FAM222A: variants seen among roughly 807,000 people sequenced by gnomAD.
The protein encoded by FAM222A is protein FAM222A.
In FAM222A, 7 loss-of-function variants were observed where a neutral mutation model predicts 25.8. The ratio of observed to expected loss-of-function variants is 0.27; its 90% CI spans 0.15 to 0.51. The LOEUF is 0.51. FAM222A is among the 20% of genes least tolerant of loss of function. The pLI is 0.97. For missense variants in FAM222A, 573 were observed against 640.5 expected, an observed-to-expected ratio of 0.89 and a Z score of 1.14; for synonymous variants, 294 against 298.8, an observed-to-expected ratio of 0.98 and a Z score of 0.17.
In FAM222A at chr12:109,761,741, C is replaced by G. The variant is rs1331383253; in HGVS notation, c.83-6271C>G. ...GGGCCCCTGGGTGTGGGTACTCTGC[C>G]TGGAGCTGGCAGTTGGGCAGCTCCC... On this transcript the variant is annotated intron_variant, in intron 2 of 2. Transcript: ENST00000538780. 2.0e-5 allele frequency among the ~76,000 whole-genome samples: 3 copies of G among 152,184 alleles called. No homozygotes were observed. The East Asian group carries it at 5.8e-4, about 29-fold the overall frequency.
At chr12:109,720,577 G>A (rs1214593084) in intron 1 of FAM222A, among the ~76,000 whole-genome samples, 1 of 152,234 alleles carries the variant, frequency 6.6e-6, no homozygotes, top group Non-Finnish European at 1.5e-5. Context: ...ACCTTAGAGG[G>A]CAGCTGTGAG....
rs1198930856 is a variant in FAM222A at position 109,769,504 on chromosome 12, G to A, written c.*216G>A. On this transcript the variant is annotated 3_prime_UTR_variant, in exon 3 of 3. Coordinates refer to ENST00000538780, the MANE Select transcript of FAM222A (RefSeq NM_032829.3). Reference sequence around the variant, plus strand: ...CCCCTCCCCACCATCGGTTGCCCCAGGACACAGTGAGGGCCTGGGGGCAGC... The same window carrying A: ...CCCCTCCCCACCATCGGTTGCCCCAAGACACAGTGAGGGCCTGGGGGCAGC... 26 of 610,420 alleles carry A rather than the reference G, an allele frequency of 4.3e-5. No homozygotes were observed. The highest frequency in any genetic ancestry group is 4.5e-5 in the Non-Finnish European group (16 of 352,342). The allele number at this position is 610,420 out of a possible 1,614,324, so 37.8% of individuals were successfully genotyped here. A position where few individuals can be genotyped will look rare whatever the true frequency, so the allele number is the denominator to read the frequency against.
intron 1 of FAM222A, among the ~76,000 whole-genome samples, chr12:109,743,578 C>A (rs2136343644): frequency 6.6e-6 from 1 of 152,340 alleles, no homozygotes; most frequent in Non-Finnish European, 1.5e-5. Context: ...CTGACATCTC[C>A]CCTCCAGGGG....
At chr12:109,759,819 T>C (rs1888840999) in intron 2 of FAM222A, among the ~76,000 whole-genome samples, 1 of 152,190 alleles carries the variant, frequency 6.6e-6, no homozygotes, top group Non-Finnish European at 1.5e-5. Context: ...GGAGCCGCCA[T>C]CCATGGGACG....
intron 1 of FAM222A, among the ~76,000 whole-genome samples, chr12:109,716,324 G>A (rs886323723): frequency 6.6e-6 from 1 of 152,150 alleles, no homozygotes; most frequent in South Asian, 2.1e-4. Flanking sequence ...TCTAGGAAAA[G>A]GTTCGAAAAC....
At chr12:109,762,863 G>A (rs925853236) in intron 2 of FAM222A, among the ~76,000 whole-genome samples, 2 of 152,100 alleles carry the variant, frequency 1.3e-5, no homozygotes, top group Non-Finnish European at 2.9e-5. Flanking sequence ...GCCAGGCCAG[G>A]CTTCAGACAG....
intron 1 of FAM222A, among the ~76,000 whole-genome samples, chr12:109,741,766 G>T (rs1888245963): frequency 6.6e-6 from 1 of 152,228 alleles, no homozygotes; most frequent in South Asian, 2.1e-4. Context: ...CCCAGCCGGG[G>T]TCACACAGGG....
chr12:109,769,269 G>A lies in FAM222A; in HGVS notation c.1340G>A (p.Arg447His), dbSNP rs762302081. ...CTCGACCACCAGCATGCCCACATCC[G>A]CCTACCCGTCTACAGATAAGGCCTG... is the stretch of plus-strand genomic sequence containing the variant. ...RLLDHQHAHI[R>H]LPVYR The change falls in exon 3 of 3, where the codon CGC becomes CAC. Residue 447 changes from arginine (R) to histidine (H), a missense_variant. Physicochemically the swap from Arg to His is conservative, Grantham distance 29 (BLOSUM62 0). Transcript: ENST00000538780. The A allele has an allele frequency of 1.4e-5, 23 of 1,610,326 alleles. No homozygotes were observed. Among genetic ancestry groups the A allele is most frequent in the Admixed American group, 8.4e-5 (5 of 59,804 alleles).
rs781502350 is a variant in FAM222A, at chr12:109,769,246, C to T, written c.1317C>T (p.Leu439=). ...GYETVAVPRL[L]DHQHAHIRLP... is the part of the protein sequence containing the mutation. ...AGACGGTGGCCGTGCCCCGGCTACT[C>T]GACCACCAGCATGCCCACATCCGCC... is the stretch of plus-strand genomic sequence containing the variant. Residue 439 remains leucine (L), a synonymous_variant, in exon 3 of 3, where the codon CTC becomes CTT. Coordinates refer to ENST00000538780, the MANE Select transcript of FAM222A (RefSeq NM_032829.3). 8 of 1,611,450 alleles carry T rather than the reference C, an allele frequency of 5.0e-6. No individual in the cohort carries two copies. The highest frequency in any genetic ancestry group is 1.7e-4 in the Middle Eastern group (1 of 6,058).
chr12:109,759,814 C>T (rs1228476008), intron 2 of FAM222A, among the ~76,000 whole-genome samples: 4 of 152,194 alleles, frequency 2.6e-5, no homozygotes, highest in Admixed American at 1.3e-4. Flanking sequence ...GCCTTGGAGC[C>T]GCCATCCATG....
At chr12:109,750,063 G>A (rs1014019307) in intron 2 of FAM222A, among the ~76,000 whole-genome samples, 9 of 152,136 alleles carry the variant, frequency 5.9e-5, no homozygotes, top group African/African-American at 2.2e-4. Flanking sequence ...TATGACACAT[G>A]TGGTCTTAGT....
At chr12:109,764,631 AT>A (rs560899047) in intron 2 of FAM222A, among the ~76,000 whole-genome samples, 14 of 151,658 alleles carry the variant, frequency 9.2e-5, no homozygotes, top group East Asian at 1.9e-4. Context: ...TACAGATATA[AT>A]TTTTTTTTCC....
At chr12:109,718,457 A>G (rs774904147) in intron 1 of FAM222A, among the ~76,000 whole-genome samples, 1 of 152,142 alleles carries the variant, frequency 6.6e-6, no homozygotes, top group Non-Finnish European at 1.5e-5. Context: ...GCTCATATTC[A>G]TGAACCGTAA....
intron 2 of FAM222A, among the ~76,000 whole-genome samples, chr12:109,760,532 C>T (rs1255166942): frequency 6.6e-6 from 1 of 152,234 alleles, no homozygotes; most frequent in Non-Finnish European, 1.5e-5. Context: ...ACATCCCGCC[C>T]ACCTGGTGTG....
rs1592804289 is a variant in FAM222A at position 109,768,437 on chromosome 12, C to T, written c.508C>T (p.Pro170Ser). Residue 170 changes from proline (P) to serine (S), a missense_variant, in exon 3 of 3, where the codon CCC (proline) becomes TCC (serine). Physicochemically the swap from Pro to Ser is moderately conservative, Grantham distance 74. Around this residue, in one of 3 missense-constraint regions of FAM222A, gnomAD observed 412 missense variants for 407.0 expected, o/e 1.01. Transcript: ENST00000538780. ...GCCACCTGAGGCGCCTGCTCCACCACCCGGCCTGCCCGCAGCCGCCACTGC... is the reference window on the plus strand; with the variant it reads ...GCCACCTGAGGCGCCTGCTCCACCATCCGGCCTGCCCGCAGCCGCCACTGC... Reference protein sequence around the residue: ...PKPPEAPAPPPGLPAAATAAS... With the variant: ...PKPPEAPAPPSGLPAAATAAS... 2 of 1,599,284 alleles carry T rather than the reference C, an allele frequency of 1.3e-6. No homozygotes were observed. Among genetic ancestry groups the T allele is most frequent in the Non-Finnish European group, 1.7e-6 (2 of 1,178,710 alleles).
At position 109,768,445 on chromosome 12, in the gene FAM222A, G is replaced by A; in HGVS notation, c.516G>A (p.Leu172=). ...AGGCGCCTGCTCCACCACCCGGCCT[G>A]CCCGCAGCCGCCACTGCCGCCTCCG... ...PPEAPAPPPG[L]PAAATAASVI... The change falls in exon 3 of 3, where the codon CTG becomes CTA. Residue 172 remains leucine (L), a synonymous_variant. Coordinates refer to ENST00000538780, the MANE Select transcript of FAM222A (RefSeq NM_032829.3). The A allele has an allele frequency of 1.3e-6, 2 of 1,599,780 alleles. No homozygotes were observed. The highest frequency in any genetic ancestry group is 1.7e-6 in the Non-Finnish European group (2 of 1,178,790).
chr12:109,749,587 GT>G (rs1888504439), intron 2 of FAM222A, among the ~76,000 whole-genome samples: 1 of 152,078 alleles, frequency 6.6e-6, no homozygotes, highest in Non-Finnish European at 1.5e-5. Flanking sequence ...TCAGGATTCA[GT>G]TTGGTGTATA....
chr12:109,768,873 C>A lies in FAM222A; in HGVS notation c.944C>A (p.Ala315Asp). The change falls in exon 3 of 3, where the codon GCT becomes GAT. Residue 315 changes from alanine (A) to aspartate (D), a missense_variant. This residue lies in a region of FAM222A where 412 missense variants were observed against 407.0 expected (regional missense o/e 1.01). Transcript: ENST00000538780. ...ACGGTGGCCAGCAAGTCCCCTGAGG[C>A]TTGCGGGGGCCGGGCATACGAGCGG... is the stretch of plus-strand genomic sequence containing the variant. ...GSTVASKSPE[A>D]CGGRAYERAS... The A allele has an allele frequency of 6.3e-7, 1 of 1,582,894 alleles. No individual in the cohort carries two copies. Among genetic ancestry groups the A allele is most frequent in the South Asian group, 1.1e-5 (1 of 88,534 alleles).
At chr12:109,715,336 C>A (rs1422105411) in intron 1 of FAM222A, among the ~76,000 whole-genome samples, 1 of 152,206 alleles carries the variant, frequency 6.6e-6, no homozygotes, top group Non-Finnish European at 1.5e-5. Flanking sequence ...ACGCAGGTGG[C>A]CACGTTTGAG....
Sources: allele counts gnomAD v4.1 joint callset (sites outside exome capture counted in the v4.1 genomes callset), GRCh38; gene constraint gnomAD v4.1.1; regional missense constraint gnomAD v4.1.1; transcripts MANE v1.5; gene names NCBI Gene and HGNC (gene_info 2026-07-23, HGNC 2026-07-21).